Variants in ANKRD36C observed in about 807,000 individuals in gnomAD.
ANKRD36C encodes the protein ankyrin repeat domain-containing protein 36C.
ANKRD36C carries 61 observed loss-of-function variants against 276.4 expected under a neutral mutation model. The ratio of observed to expected loss-of-function variants is 0.22; its 90% confidence interval spans 0.18 to 0.27. The LOEUF (loss-of-function observed/expected upper bound fraction) is 0.27. ANKRD36C is among the 10% of genes least tolerant of loss of function. ANKRD36C has a pLI of 1.00. For missense variants in ANKRD36C, 1,447 were observed against 2,032.3 expected (o/e 0.71, Z 5.54); for synonymous variants, 483 against 680.1 (o/e 0.71, Z 4.51).
intron 30 of ANKRD36C, among the ~76,000 whole-genome samples, chr2:95,924,216 G>A (rs1261178641): frequency 6.6e-6 from 1 of 151,572 alleles, no homozygotes; most frequent in Admixed American, 6.6e-5. Flanking sequence ...GATCAGCTTG[G>A]ATATATGGTT....
intron 52 of ANKRD36C, 95 bp from the exon 73 acceptor site, chr2:95,884,463 G>C: frequency 6.3e-7 from 1 of 1,583,618 alleles, no homozygotes; most frequent in East Asian, 2.3e-5. Context: ...GTATCCTTCT[G>C]CCTGTATTAG....
At chr2:95,893,431 C>A (rs548732833) in intron 44 of ANKRD36C, 102 bp downstream of exon 64, 1 of 1,467,314 alleles carries the variant, frequency 6.8e-7, no homozygotes, top group East Asian at 2.5e-5. Flanking sequence ...CCTGCTGAAT[C>A]AGAAAGTGCA....
chr2:95,952,650 T>A (rs1426951418), intron 14 of ANKRD36C, among the ~76,000 whole-genome samples: 1 of 152,070 alleles, frequency 6.6e-6, no homozygotes, highest in African/African-American at 2.4e-5. Context: ...TTTTCTTCTA[T>A]ATGACATATT....
At chr2:95,909,414 T>C (rs1041481140) in intron 42 of ANKRD36C, among the ~76,000 whole-genome samples, 1 of 73,514 alleles carries the variant, frequency 1.4e-5, no homozygotes, top group African/African-American at 5.5e-5. Context: ...AATTTTGACA[T>C]ACATATACAA....
chr2:95,876,207 T>G (rs2104309868), intron 59 of ANKRD36C, among the ~76,000 whole-genome samples: 1 of 152,282 alleles, frequency 6.6e-6, no homozygotes, highest in South Asian at 2.1e-4. Context: ...GCAAACAATA[T>G]CAGGAACTTT....
intron 40 of ANKRD36C, among the ~76,000 whole-genome samples, chr2:95,913,766 T>A (rs1677005449): frequency 6.6e-6 from 1 of 151,428 alleles, no homozygotes; most frequent in South Asian, 2.1e-4. Context: ...ATCTGAAGTG[T>A]GTAAATTCTA....
chr2:95,967,395 C>T (rs1678614336), intron 6 of ANKRD36C, among the ~76,000 whole-genome samples: 2 of 152,216 alleles, frequency 1.3e-5, no homozygotes, highest in South Asian at 4.1e-4. Flanking sequence ...AAAAGCTCAT[C>T]ATCACTGATC....
At chr2:95,916,443 G>T (rs111809589) in intron 36 of ANKRD36C, among the ~76,000 whole-genome samples, 2 of 151,568 alleles carry the variant, frequency 1.3e-5, no homozygotes, top group Admixed American at 6.6e-5. Flanking sequence ...ATCAAGGTGG[G>T]TATGCTGAGT....
chr2:95,986,328 A>C (rs1188042083), intron 3 of ANKRD36C, among the ~76,000 whole-genome samples: 1 of 152,086 alleles, frequency 6.6e-6, no homozygotes, highest in Non-Finnish European at 1.5e-5. Flanking sequence ...ACTTGTCAAC[A>C]GCAACAAGAT....
At chr2:95,962,641 T>C in intron 6 of ANKRD36C, 94 bp from the exon 7 acceptor site, 1 of 1,467,628 alleles carries the variant, frequency 6.8e-7, no homozygotes. Flanking sequence ...TGTATCCTCC[T>C]GCCCCTATTA....
exon 35 of ANKRD36C, chr2:95,918,015 T>G: frequency 6.2e-7 from 1 of 1,600,620 alleles, no homozygotes; most frequent in Non-Finnish European, 8.5e-7. Context: ...TTTAATTACC[T>G]TCAAGGCTGG....
intron 12 of ANKRD36C, among the ~76,000 whole-genome samples, chr2:95,958,354 T>C (rs1414875587): frequency 6.6e-6 from 1 of 152,048 alleles, no homozygotes; most frequent in Non-Finnish European, 1.5e-5. Flanking sequence ...CTTGAACTGC[T>C]CTCCAATGGT....
chr2:95,920,312 A>G (rs571483690), intron 34 of ANKRD36C, among the ~76,000 whole-genome samples: 1 of 132,346 alleles, frequency 7.6e-6, no homozygotes, highest in South Asian at 2.3e-4. Flanking sequence ...AAATCAAAAG[A>G]ATTTACATCA....
chr2:95,974,995 A>G (rs1383289957), intron 6 of ANKRD36C, among the ~76,000 whole-genome samples: 5 of 151,900 alleles, frequency 3.3e-5, no homozygotes, highest in African/African-American at 4.8e-5. Flanking sequence ...ATCATTTCTT[A>G]TGGCTGCATA....
At chr2:95,867,993 A>G (rs1319170161) in intron 59 of ANKRD36C, among the ~76,000 whole-genome samples, 2 of 152,052 alleles carry the variant, frequency 1.3e-5, no homozygotes, top group Non-Finnish European at 1.5e-5. Flanking sequence ...GAAAAACCAG[A>G]GTAGCAGCAA....
At chr2:95,911,885 T>C (rs1012942874) in intron 42 of ANKRD36C, among the ~76,000 whole-genome samples, 3 of 151,386 alleles carry the variant, frequency 2.0e-5, no homozygotes, top group African/African-American at 7.3e-5. Flanking sequence ...TGCCTGTTTT[T>C]AGCACTACGA....
intron 62 of ANKRD36C, among the ~76,000 whole-genome samples, chr2:95,856,410 A>C (rs2463585): frequency 1.3e-5 from 2 of 152,166 alleles, no homozygotes; most frequent in Non-Finnish European, 2.9e-5. Context: ...CAAAAAAGAA[A>C]CCACTAGATA....
chr2:95,937,981 T>G (rs1310670345), intron 22 of ANKRD36C, among the ~76,000 whole-genome samples: 1 of 150,398 alleles, frequency 6.6e-6, no homozygotes, highest in Non-Finnish European at 1.5e-5. Context: ...GGTGCAGTCA[T>G]AAAACAAAAC....
At chr2:95,929,026 T>C (rs777782344) in intron 26 of ANKRD36C, 46 bp downstream of exon 26, 3 of 1,598,824 alleles carry the variant, frequency 1.9e-6, no homozygotes, top group Non-Finnish European at 2.5e-6. Flanking sequence ...GGAAGTTCTC[T>C]TCCATCTTGA....
Sources: allele counts gnomAD v4.1 joint callset (sites outside exome capture counted in the v4.1 genomes callset), GRCh38; gene constraint gnomAD v4.1.1; transcripts MANE v1.5; gene names NCBI Gene and HGNC (gene_info 2026-07-23, HGNC 2026-07-21).